Variants in CNTNAP2 observed in about 807,000 individuals in gnomAD.
The protein encoded by CNTNAP2 is contactin-associated protein-like 2.
CNTNAP2 carries 98 observed loss-of-function variants against 155.2 expected under a neutral mutation model. That is an observed-to-expected ratio of 0.63 (90% CI 0.54 to 0.75). The LOEUF (loss-of-function observed/expected upper bound fraction) is 0.75, where lower values mean the gene tolerates loss of function less well. Among genes scored for constraint, CNTNAP2 ranks in the 30% least tolerant of loss-of-function variants. The pLI is 0.00. For missense variants in CNTNAP2, 1,727 were observed against 1,688.1 expected (o/e 1.02, Z -0.40); for synonymous variants, 651 against 631.2 (o/e 1.03, Z -0.47).
rs560084700 is a variant in CNTNAP2, at chr7:147,105,113, A to G, written c.551-3034A>G. The stretch of plus-strand genomic sequence containing the variant: ...TTGTAATAAAATATATAGCAAAGAT[A>G]TCTTTTAAAATTAAAATATCAAATA... On this transcript the variant is annotated intron_variant, in intron 4 of 23. Transcript: ENST00000361727. 2.6e-5 allele frequency among the ~76,000 whole-genome samples: 4 copies of G among 151,572 alleles called. No individual in the cohort carries two copies. In the South Asian group the frequency reaches 8.3e-4, roughly 31 times the overall value.
At chr7:147,146,850 AT>A (rs1211449065) in intron 8 of CNTNAP2, 3 of 152,194 alleles carry the variant, frequency 2.0e-5, no homozygotes, top group Admixed American at 1.3e-4. Flanking sequence ...GTGTTTTGCA[AT>A]TCTGTCAACT....
At chr7:146,579,782 G>GT in intron 1 of CNTNAP2, among the ~76,000 whole-genome samples, 1 of 152,238 alleles carries the variant, frequency 6.6e-6, no homozygotes, top group Middle Eastern at 3.4e-3. Flanking sequence ...TAAGATGTAA[G>GT]TTTTGGTGCC....
intron 11 of CNTNAP2, among the ~76,000 whole-genome samples, chr7:147,557,030 G>A (rs1014619186): frequency 7.3e-5 from 11 of 151,606 alleles, no homozygotes; most frequent in East Asian, 1.9e-4. Context: ...GGCGGGGGTC[G>A]GGAGGCTGAG....
chr7:146,582,205 A>T (rs1798622527), intron 1 of CNTNAP2, among the ~76,000 whole-genome samples: 1 of 152,128 alleles, frequency 6.6e-6, no homozygotes, highest in South Asian at 2.1e-4. Context: ...TAGCAAAATC[A>T]AGTGTAACTT....
intron 8 of CNTNAP2, among the ~76,000 whole-genome samples, chr7:147,134,418 T>C (rs1801438529): frequency 1.3e-5 from 2 of 151,888 alleles, no homozygotes; most frequent in Non-Finnish European, 2.9e-5. Context: ...TGCAAATTAA[T>C]TGAAAAGATA....
At chr7:147,579,547 C>A (rs1171998188) in intron 12 of CNTNAP2, among the ~76,000 whole-genome samples, 2 of 152,026 alleles carry the variant, frequency 1.3e-5, no homozygotes, top group East Asian at 1.9e-4. Flanking sequence ...CCATTTATAG[C>A]CAATTTCTGA....
Position 146,712,558 on chromosome 7 carries a change from T to G in CNTNAP2, c.98-61713T>G, listed in dbSNP as rs117222310. Among the ~76,000 whole-genome samples, 660 of 151,372 alleles carry G rather than the reference T, an allele frequency of 4.4e-3. 1 individual carries two copies. The highest frequency in any genetic ancestry group is 0.017 in the South Asian group (82 of 4,808). ...AGAATGATTTATTTCAAGTGTTACC[T>G]TTAAAAGAATATTAATACTTGACAG... On this transcript the variant is annotated intron_variant, in intron 1 of 23. Transcript: ENST00000361727.
chr7:147,741,372 G>A lies in CNTNAP2; in HGVS notation c.2098+102066G>A, dbSNP rs75275713. ...CCTGTAAAAGACAATTTGCTGCTGG[G>A]TTGCAGTTTAATCCATGACCTCTTT... On this transcript the variant is annotated intron_variant, in intron 13 of 23. Transcript: ENST00000361727. Among the ~76,000 whole-genome samples, 2,407 of 152,292 alleles carry A rather than the reference G, an allele frequency of 0.016. 113 individuals are homozygous for A. In the East Asian group the frequency reaches 0.17, roughly 11 times the overall value.
rs916205627 is a variant in CNTNAP2, at chr7:147,078,920, T to C, written c.551-29227T>C. On this transcript the variant is annotated intron_variant, in intron 4 of 23. Coordinates refer to ENST00000361727, the MANE Select transcript of CNTNAP2 (RefSeq NM_014141.6). Reference sequence around the variant, plus strand: ...GTGCGCCACCATGCCCAGCTAATTTTTTTTATTTTCAGTAGAGACAGGGTT... The same window carrying C: ...GTGCGCCACCATGCCCAGCTAATTTCTTTTATTTTCAGTAGAGACAGGGTT... Among the ~76,000 whole-genome samples the C allele has an allele frequency of 9.2e-5, 14 of 152,098 alleles. No homozygotes were observed. The East Asian group carries it at 1.8e-3, about 19-fold the overall frequency.
At chr7:147,362,612 T>C (rs181326821) in intron 9 of CNTNAP2, among the ~76,000 whole-genome samples, 1 of 152,310 alleles carries the variant, frequency 6.6e-6, no homozygotes, top group African/African-American at 2.4e-5. Flanking sequence ...CCTACAGGCA[T>C]ACTGACTGAA....
intron 1 of CNTNAP2, among the ~76,000 whole-genome samples, chr7:146,148,356 A>G (rs1797985524): frequency 1.3e-5 from 2 of 152,126 alleles, no homozygotes; most frequent in Admixed American, 1.3e-4. Context: ...ACTCTTCATT[A>G]CTCATAACAT....
At chr7:146,945,804 T>C (rs990050623) in intron 3 of CNTNAP2, among the ~76,000 whole-genome samples, 1 of 152,212 alleles carries the variant, frequency 6.6e-6, no homozygotes, top group East Asian at 1.9e-4. Flanking sequence ...AAGAAAATTT[T>C]ATTTCATATT....
chr7:148,205,387 C>T (rs1052957334), intron 18 of CNTNAP2, among the ~76,000 whole-genome samples: 3 of 152,178 alleles, frequency 2.0e-5, no homozygotes, highest in African/African-American at 7.2e-5. Flanking sequence ...GTGAAGTTAG[C>T]AGCACAGAAG....
At chr7:147,425,294 A>G (rs1797361121) in intron 10 of CNTNAP2, among the ~76,000 whole-genome samples, 1 of 151,058 alleles carries the variant, frequency 6.6e-6, no homozygotes, top group African/African-American at 2.4e-5. Flanking sequence ...ACTGTTCAGG[A>G]TTGGAATTAG....
chr7:146,249,076 A>G (rs1044168441), intron 1 of CNTNAP2, among the ~76,000 whole-genome samples: 1 of 152,060 alleles, frequency 6.6e-6, no homozygotes, highest in Non-Finnish European at 1.5e-5. Flanking sequence ...GGAATTTCAC[A>G]AAACAATGTC....
At position 148,185,732 on chromosome 7, in the gene CNTNAP2, A is replaced by C. The variant is rs968823624; in HGVS notation, c.3010+13254A>C. ...ATTTAAATCCCTTTTAAATAGGTCTATTTTAGCCTGTTGACTTTTATATTT... is the reference window on the plus strand; with the variant it reads ...ATTTAAATCCCTTTTAAATAGGTCTCTTTTAGCCTGTTGACTTTTATATTT... On this transcript the variant is annotated intron_variant, in intron 18 of 23. Coordinates refer to ENST00000361727, the MANE Select transcript of CNTNAP2 (RefSeq NM_014141.6). 3.9e-5 allele frequency among the ~76,000 whole-genome samples: 6 copies of C among 152,260 alleles called. No individual in the cohort carries two copies. The East Asian group carries it at 1.2e-3, about 29-fold the overall frequency.
chr7:147,059,697 A>G (rs771201239), intron 4 of CNTNAP2, among the ~76,000 whole-genome samples: 20 of 152,230 alleles, frequency 1.3e-4, no homozygotes, highest in Middle Eastern at 3.4e-3. Context: ...TGTCTGGCTC[A>G]TATATATTGT....
intron 1 of CNTNAP2, among the ~76,000 whole-genome samples, chr7:146,343,800 A>G (rs897414505): frequency 6.6e-6 from 1 of 152,108 alleles, no homozygotes; most frequent in Non-Finnish European, 1.5e-5. Context: ...AGTAAAGGCT[A>G]TGTTTTAGAC....
intron 9 of CNTNAP2, among the ~76,000 whole-genome samples, chr7:147,367,915 C>T (rs372700943): frequency 1.1e-3 from 164 of 152,062 alleles, no homozygotes; most frequent in Middle Eastern, 0.01. Context: ...CTAACCTTTG[C>T]GGTCAGGTCC....
Sources: gnomAD v4.1 joint callset for allele counts (sites outside exome capture counted in the v4.1 genomes callset) on GRCh38, gnomAD v4.1.1 for gene constraint, MANE v1.5 for transcripts, NCBI Gene and HGNC (gene_info 2026-07-23, HGNC 2026-07-21) for gene names.